The following MGAT5B variants were observed in gnomAD, a reference collection of about 807,000 sequenced individuals.
MGAT5B encodes N-acetylglucosaminyl-transferase Vb.
Under a neutral mutation model 95.1 loss-of-function variants are expected in MGAT5B, and 54 were observed. That is an observed-to-expected ratio of 0.57 (90% CI 0.46 to 0.71). The LOEUF is 0.71. Among genes scored for constraint, MGAT5B ranks in the 30% least tolerant of loss-of-function variants. The probability of loss-of-function intolerance (pLI) is 0.00; values close to 1 mark genes in which losing one functional copy is unlikely to be tolerated. For missense variants in MGAT5B, 935 were observed against 1,088.6 expected (o/e 0.86, Z 1.99); for synonymous variants, 464 against 451.0 (o/e 1.03, Z -0.36).
chr17:76,937,926 T>C, intron 12 of MGAT5B, 62 bp from the exon 13 acceptor site: 1 of 1,591,316 alleles, frequency 6.3e-7, no homozygotes, highest in South Asian at 1.1e-5. Flanking sequence ...AGGGATCTCC[T>C]CCATGGACTT....
rs1211039557 is a variant in MGAT5B at position 76,914,186 on chromosome 17, T to C, written c.1025+7999T>C. The C allele has an allele frequency of 5.0e-6, 1 of 198,348 alleles. No homozygotes were observed. The highest frequency in any genetic ancestry group is 2.3e-5 in the African/African-American group (1 of 42,624). 12.3% of individuals were successfully genotyped at this position (198,348 alleles called of 1,614,324 possible). ...AAGAAAGAGAATTTGGCCACAAAGATGTCATTGCTGACTTTGGAAAGAGCA... is the reference window on the plus strand; with the variant it reads ...AAGAAAGAGAATTTGGCCACAAAGACGTCATTGCTGACTTTGGAAAGAGCA... On this transcript the variant is annotated intron_variant, in intron 8 of 17. Transcript: ENST00000569840. The surrounding 1 kb of genome is among the most constrained non-coding windows in gnomAD (Gnocchi z 5.1).
intron 8 of MGAT5B, among the ~76,000 whole-genome samples, chr17:76,907,144 C>T (rs527823258): frequency 1.3e-5 from 2 of 152,072 alleles, no homozygotes; most frequent in Non-Finnish European, 2.9e-5. Flanking sequence ...CTCCGCCTCC[C>T]GGGTTCAAGC....
rs1159852806 is a variant in MGAT5B at position 76,869,861 on chromosome 17, C to T, written c.68+764C>T. Among the ~76,000 whole-genome samples the T allele has an allele frequency of 2.0e-5, 3 of 152,098 alleles. No homozygotes were observed. The highest frequency in any genetic ancestry group is 4.4e-5 in the Non-Finnish European group (3 of 67,976). On this transcript the variant is annotated intron_variant, in intron 1 of 17. Transcript: ENST00000569840. This position sits in a 1 kb window ranked among gnomAD's most constrained non-coding sequence, Gnocchi z 7.0. Reference sequence around the variant, plus strand: ...CTGGGGCCGCGCGGGACTCACTGGACCCAGCCAGGGGCCCCCAGGGCCCAG... The same window carrying T: ...CTGGGGCCGCGCGGGACTCACTGGATCCAGCCAGGGGCCCCCAGGGCCCAG...
chr17:76,911,495 ATGG>A (rs1968735473), intron 8 of MGAT5B, among the ~76,000 whole-genome samples: 1 of 152,212 alleles, frequency 6.6e-6, no homozygotes, highest in Non-Finnish European at 1.5e-5. Flanking sequence ...GGTGGCCCAG[ATGG>A]TGGGGCGTCT....
rs1969461622 is a variant in MGAT5B at position 76,930,976 on chromosome 17, C to T, written c.1292-1669C>T. Among the ~76,000 whole-genome samples, 2 of 152,126 alleles carry T rather than the reference C, an allele frequency of 1.3e-5. No homozygotes were observed. The highest frequency in any genetic ancestry group is 4.8e-5 in the African/African-American group (2 of 41,388). On this transcript the variant is annotated intron_variant, in intron 10 of 17. Transcript: ENST00000569840. The surrounding 1 kb of genome is among the most constrained non-coding windows in gnomAD (Gnocchi z 4.1). ...TGGAGGTGGGAATGGGAGGCTTTTCCCCTGTCTCATCCATCTTTGTCCAGC... is the reference window on the plus strand; with the variant it reads ...TGGAGGTGGGAATGGGAGGCTTTTCTCCTGTCTCATCCATCTTTGTCCAGC...
rs573957110 is a variant in MGAT5B at position 76,940,776 on chromosome 17, C to T, written c.1776C>T (p.Pro592=). Residue 592 remains proline (P), a synonymous_variant, in exon 15 of 18, where the codon CCC becomes CCT. Transcript: ENST00000569840. This position sits in a 1 kb window ranked among gnomAD's most constrained non-coding sequence, Gnocchi z 4.3. ...HPYAENFIGK[P]HVWTVDYNNS... ...ACGCGGAGAACTTCATCGGCAAGCC[C>T]CACGTGTGGACAGTCGACTACAACA... The T allele has an allele frequency of 2.5e-6, 4 of 1,614,130 alleles. No homozygotes were observed. The South Asian group carries it at 4.4e-5, about 18-fold the overall frequency.
chr17:76,918,911 G>T lies in MGAT5B; in HGVS notation c.1026-6055G>T, dbSNP rs1272720701. On this transcript the variant is annotated intron_variant, in intron 8 of 17. Transcript: ENST00000569840. The surrounding 1 kb of genome is among the most constrained non-coding windows in gnomAD (Gnocchi z 5.1). Reference sequence around the variant, plus strand: ...ACACAAGAGAAAGAGAGAGAGAATAGTGTGTTCCACAATTTGAGCACTACC... The same window carrying T: ...ACACAAGAGAAAGAGAGAGAGAATATTGTGTTCCACAATTTGAGCACTACC... Among the ~76,000 whole-genome samples the T allele has an allele frequency of 6.6e-6, 1 of 152,220 alleles. No individual in the cohort carries two copies. Among genetic ancestry groups the T allele is most frequent in the Non-Finnish European group, 1.5e-5 (1 of 68,040 alleles).
chr17:76,876,059 A>C (rs1382713180), intron 2 of MGAT5B, among the ~76,000 whole-genome samples: 2 of 152,076 alleles, frequency 1.3e-5, no homozygotes, highest in African/African-American at 4.8e-5. Flanking sequence ...GTCCTCCATG[A>C]TTTCTTTCAT....
Position 76,906,520 on chromosome 17 carries a change from C to T in MGAT5B, c.1025+333C>T, listed in dbSNP as rs567520520. 6.6e-5 allele frequency among the ~76,000 whole-genome samples: 10 copies of T among 152,342 alleles called. No individual in the cohort carries two copies. The highest frequency in any genetic ancestry group is 2.0e-4 in the Admixed American group (3 of 15,302). ...TGCACGTGGGGTCCCCTCTGCCTGC[C>T]GTCCTGGAAGGCTTGGTTTCTCTTC... On this transcript the variant is annotated intron_variant, in intron 8 of 17. Coordinates refer to ENST00000569840, the MANE Select transcript of MGAT5B (RefSeq NM_001199172.2). This position sits in a 1 kb window ranked among gnomAD's most constrained non-coding sequence, Gnocchi z 4.6.
At chr17:76,919,389 G>A (rs1017840780) in intron 8 of MGAT5B, among the ~76,000 whole-genome samples, 3 of 152,170 alleles carry the variant, frequency 2.0e-5, no homozygotes, top group African/African-American at 7.2e-5. Context: ...TGCTTGGCAC[G>A]GGAGCCAGGA....
chr17:76,886,318 A>G (rs581537), intron 3 of MGAT5B, among the ~76,000 whole-genome samples: 73,568 of 152,160 alleles, frequency 0.48, 22,961 homozygotes, highest in African/African-American at 0.86. Context: ...CAGCCTGGCC[A>G]GTGGCCCCTC....
Position 76,914,373 on chromosome 17 carries a change from C to G in MGAT5B, c.1025+8186C>G, listed in dbSNP as rs1056471827. Among the ~76,000 whole-genome samples the G allele has an allele frequency of 6.6e-6, 1 of 152,142 alleles. No individual in the cohort carries two copies. The highest frequency in any genetic ancestry group is 1.5e-5 in the Non-Finnish European group (1 of 68,036). ...AGCGCAGGAGCAGGGGTTACAGAAT[C>G]GCAGGCAGGTGTGTTTGCCTCCTGG... On this transcript the variant is annotated intron_variant, in intron 8 of 17. Transcript: ENST00000569840. The surrounding 1 kb of genome is among the most constrained non-coding windows in gnomAD (Gnocchi z 5.1).
chr17:76,907,735 G>A (rs1598942702), intron 8 of MGAT5B, among the ~76,000 whole-genome samples: 1 of 152,244 alleles, frequency 6.6e-6, no homozygotes, highest in Admixed American at 6.5e-5. Flanking sequence ...ATGCAGAATT[G>A]TTAGATCTTG....
chr17:76,880,635 C>T (rs572478042), intron 2 of MGAT5B, among the ~76,000 whole-genome samples: 29 of 152,286 alleles, frequency 1.9e-4, no homozygotes, highest in Middle Eastern at 6.8e-3. Flanking sequence ...TGCCTTGAGA[C>T]GGGGATGCTG....
chr17:76,930,897 G>A lies in MGAT5B; in HGVS notation c.1292-1748G>A, dbSNP rs939403920. On this transcript the variant is annotated intron_variant, in intron 10 of 17. Transcript: ENST00000569840. This position sits in a 1 kb window ranked among gnomAD's most constrained non-coding sequence, Gnocchi z 4.1. ...AAGGCTGAGTAGAATTTCCTCATCC[G>A]AGACAAGGGAGGAGGGCAGTGCAGG... 6.6e-6 allele frequency among the ~76,000 whole-genome samples: 1 copy of A among 152,162 alleles called. No homozygotes were observed. The highest frequency in any genetic ancestry group is 2.4e-5 in the African/African-American group (1 of 41,428).
chr17:76,868,635 C>A lies in MGAT5B; in HGVS notation c.-395C>A, dbSNP rs997354964. On this transcript the variant is annotated 5_prime_UTR_variant, in exon 1 of 18. Transcript: ENST00000569840. The surrounding 1 kb of genome is among the most constrained non-coding windows in gnomAD (Gnocchi z 6.3). ...CGGGCCCGGGGCCGCCTTTAGCCGG[C>A]ACCGAGGGCGCGGGGCCGGGGATGA... 6.8e-6 allele frequency: 1 copy of A among 147,596 alleles called. No homozygotes were observed. The highest frequency in any genetic ancestry group is 1.5e-5 in the Non-Finnish European group (1 of 66,246). 9.1% of individuals were successfully genotyped at this position (147,596 alleles called of 1,614,324 possible).
chr17:76,875,863 C>T (rs1213795565), intron 2 of MGAT5B, among the ~76,000 whole-genome samples: 3 of 151,984 alleles, frequency 2.0e-5, no homozygotes, highest in South Asian at 4.2e-4. Flanking sequence ...GGAGATTCTA[C>T]GTGTTGTAAC....
At chr17:76,901,397 T>C (rs956835886) in intron 3 of MGAT5B, among the ~76,000 whole-genome samples, 1 of 132,250 alleles carries the variant, frequency 7.6e-6, no homozygotes, top group African/African-American at 3.4e-5. Flanking sequence ...ACCGAATTAA[T>C]GTGTTAAAAA....
chr17:76,890,494 C>T (rs1967824621), intron 3 of MGAT5B, among the ~76,000 whole-genome samples: 1 of 152,154 alleles, frequency 6.6e-6, no homozygotes, highest in Non-Finnish European at 1.5e-5. Context: ...GGCTCATAGA[C>T]AACAGACATT....
Sources: gnomAD v4.1 joint callset for allele counts (sites outside exome capture counted in the v4.1 genomes callset) on GRCh38, gnomAD v4.1.1 for gene constraint, Gnocchi (gnomAD v3.1) non-coding constraint, MANE v1.5 for transcripts, NCBI Gene and HGNC (gene_info 2026-07-23, HGNC 2026-07-21) for gene names.